ANKS1B: variants seen among roughly 807,000 people sequenced by gnomAD.
The protein encoded by ANKS1B is ankyrin repeat and sterile alpha motif domain containing 1B.
In ANKS1B, 36 loss-of-function variants were observed where a neutral mutation model predicts 148.3. That is an observed-to-expected ratio of 0.24 (90% CI 0.19 to 0.32). The LOEUF is 0.32. Ranked by LOEUF, ANKS1B falls within the 10% of genes least tolerant of loss-of-function variation. The pLI is 1.00. For synonymous variants in ANKS1B, 542 were observed against 560.8 expected (o/e 0.97, Z 0.47); for missense variants, 1,157 against 1,542.6 (o/e 0.75, Z 4.19).
chr12:99,175,696 T>C (rs981682322), intron 14 of ANKS1B, among the ~76,000 whole-genome samples: 3 of 152,214 alleles, frequency 2.0e-5, no homozygotes, highest in Non-Finnish European at 2.9e-5. Flanking sequence ...TCAGGTTAGC[T>C]AATCCGCATA....
At chr12:99,686,721 A>G (rs922037394) in intron 8 of ANKS1B, among the ~76,000 whole-genome samples, 1 of 152,194 alleles carries the variant, frequency 6.6e-6, no homozygotes, top group African/African-American at 2.4e-5. Flanking sequence ...ACCACTTCAC[A>G]CATACTATGA....
At chr12:98,958,543 G>A (rs1415737383) in intron 17 of ANKS1B, among the ~76,000 whole-genome samples, 1 of 152,182 alleles carries the variant, frequency 6.6e-6, no homozygotes, top group African/African-American at 2.4e-5. Flanking sequence ...CTGGTAGCAT[G>A]TGTTTGATTA....
intron 8 of ANKS1B, among the ~76,000 whole-genome samples, chr12:99,656,820 T>C (rs1038959129): frequency 6.6e-6 from 1 of 152,200 alleles, no homozygotes; most frequent in African/African-American, 2.4e-5. Flanking sequence ...CCTCTGAATG[T>C]AGCGTTCAGC....
chr12:98,888,818 C>T (rs1383648144), intron 17 of ANKS1B, among the ~76,000 whole-genome samples: 2 of 152,188 alleles, frequency 1.3e-5, no homozygotes, highest in African/African-American at 4.8e-5. Flanking sequence ...CCTTCATGGC[C>T]TTTATCACCA....
At chr12:99,307,100 C>T (rs993810210) in intron 12 of ANKS1B, among the ~76,000 whole-genome samples, 3 of 152,020 alleles carry the variant, frequency 2.0e-5, no homozygotes, top group African/African-American at 4.8e-5. Context: ...GTTTTTCCTT[C>T]CAGGATCAAC....
chr12:99,437,150 C>T (rs930681176), intron 11 of ANKS1B, among the ~76,000 whole-genome samples: 41 of 151,960 alleles, frequency 2.7e-4, no homozygotes, highest in Admixed American at 4.6e-4. Flanking sequence ...TGGTTGGGTT[C>T]TGGTGAAGGT....
chr12:98,805,223 T>A (rs2153606400), intron 20 of ANKS1B, among the ~76,000 whole-genome samples: 1 of 152,262 alleles, frequency 6.6e-6, no homozygotes, highest in Non-Finnish European at 1.5e-5. Flanking sequence ...ATTTGAAAGA[T>A]CTTCATATTC....
intron 12 of ANKS1B, among the ~76,000 whole-genome samples, chr12:99,268,995 T>G (rs759295060): frequency 1.3e-5 from 2 of 152,268 alleles, no homozygotes; most frequent in Admixed American, 6.5e-5. Context: ...TGTCATTGGT[T>G]GTATTGTGTA....
At chr12:99,673,016 T>C (rs1017907441) in intron 8 of ANKS1B, among the ~76,000 whole-genome samples, 2 of 152,078 alleles carry the variant, frequency 1.3e-5, no homozygotes, top group African/African-American at 4.8e-5. Context: ...GGTGGCCAAA[T>C]TGGAGACATT....
intron 17 of ANKS1B, among the ~76,000 whole-genome samples, chr12:98,899,549 G>C (rs892442496): frequency 6.6e-6 from 1 of 152,138 alleles, no homozygotes; most frequent in African/African-American, 2.4e-5. Context: ...CCTTAAGAGC[G>C]GCTTCCCTGA....
At chr12:99,815,172 C>A (rs1467325364) in intron 2 of ANKS1B, among the ~76,000 whole-genome samples, 1 of 151,730 alleles carries the variant, frequency 6.6e-6, no homozygotes, top group African/African-American at 2.4e-5. Context: ...CTTAGAATTT[C>A]ATTTGTTCTT....
intron 14 of ANKS1B, among the ~76,000 whole-genome samples, chr12:99,172,342 T>A (rs1268345238): frequency 1.3e-5 from 2 of 151,954 alleles, no homozygotes; most frequent in African/African-American, 4.8e-5. Context: ...TGCACAAACA[T>A]CCCCTGGAGG....
chr12:98,950,194 A>G (rs1190590980), intron 17 of ANKS1B, among the ~76,000 whole-genome samples: 1 of 152,192 alleles, frequency 6.6e-6, no homozygotes, highest in Non-Finnish European at 1.5e-5. Context: ...TGTCTATTAC[A>G]ATCATAAGAA....
At chr12:99,063,002 G>T (rs763949933) in intron 16 of ANKS1B, among the ~76,000 whole-genome samples, 1 of 152,124 alleles carries the variant, frequency 6.6e-6, no homozygotes, top group Non-Finnish European at 1.5e-5. Context: ...AAGTACCTGT[G>T]ACCTTCTGGT....
chr12:98,924,194 C>CCCAGCT (rs1298171272), intron 17 of ANKS1B, among the ~76,000 whole-genome samples: 1 of 152,092 alleles, frequency 6.6e-6, no homozygotes, highest in African/African-American at 2.4e-5. Flanking sequence ...GGGTGAAGCC[C>CCCAGCT]CCAGCTTCAC....
chr12:99,678,875 T>G (rs924893796), intron 8 of ANKS1B, among the ~76,000 whole-genome samples: 2 of 151,936 alleles, frequency 1.3e-5, no homozygotes, highest in South Asian at 4.2e-4. Context: ...GAAGAAAACT[T>G]AGATGATCAA....
chr12:99,424,463 A>G (rs2152725969), intron 11 of ANKS1B, among the ~76,000 whole-genome samples: 1 of 148,936 alleles, frequency 6.7e-6, no homozygotes. Context: ...GATGGCTTTA[A>G]GTTGACCAAG....
At chr12:99,573,306 C>T (rs537423529) in intron 9 of ANKS1B, among the ~76,000 whole-genome samples, 2 of 152,030 alleles carry the variant, frequency 1.3e-5, no homozygotes, top group South Asian at 4.1e-4. Flanking sequence ...AGATATTATC[C>T]ACTTATTAAA....
At chr12:99,302,212 A>G (rs557764257) in intron 12 of ANKS1B, among the ~76,000 whole-genome samples, 5 of 152,264 alleles carry the variant, frequency 3.3e-5, no homozygotes, top group Non-Finnish European at 5.9e-5. Flanking sequence ...ATGATGTGCA[A>G]TTATGTACAT....
Sources: allele counts gnomAD v4.1 joint callset (sites outside exome capture counted in the v4.1 genomes callset), GRCh38; gene constraint gnomAD v4.1.1; transcripts MANE v1.5; gene names NCBI Gene and HGNC (gene_info 2026-07-23, HGNC 2026-07-21).